The following NPAS3 variants were observed in gnomAD, a reference collection of about 807,000 sequenced individuals.
NPAS3 encodes neuronal PAS domain-containing protein 3.
Under a neutral mutation model 73.1 loss-of-function variants are expected in NPAS3, and 14 were observed. The observed-to-expected ratio is 0.19, with a 90% CI of 0.13 to 0.30. NPAS3 has a LOEUF of 0.30. Ranked by LOEUF, NPAS3 falls within the 10% of genes least tolerant of loss-of-function variation. The pLI is 1.00. For synonymous variants in NPAS3, 620 were observed against 541.5 expected, an observed-to-expected ratio of 1.14 and a Z score of -2.01; for missense variants, 1,096 against 1,250.0, an observed-to-expected ratio of 0.88 and a Z score of 1.86.
chr14:32,987,896 A>C (rs1452007195), intron 1 of NPAS3, among the ~76,000 whole-genome samples: 1 of 152,186 alleles, frequency 6.6e-6, no homozygotes, highest in Non-Finnish European at 1.5e-5. Flanking sequence ...ACTAATTAAA[A>C]TAACAACTAA....
chr14:33,590,631 T>A (rs1216840955), intron 5 of NPAS3, among the ~76,000 whole-genome samples: 1 of 152,216 alleles, frequency 6.6e-6, no homozygotes, highest in African/African-American at 2.4e-5. Flanking sequence ...TAAGTTTATG[T>A]ACATGTAATC....
At chr14:33,482,378 C>T (rs142393825) in intron 4 of NPAS3, among the ~76,000 whole-genome samples, 6 of 152,190 alleles carry the variant, frequency 3.9e-5, no homozygotes, top group East Asian at 1.9e-4. Context: ...ATTAAACCAT[C>T]GTATATACAC....
At chr14:33,455,770 A>G (rs1431654864) in intron 4 of NPAS3, among the ~76,000 whole-genome samples, 1 of 152,252 alleles carries the variant, frequency 6.6e-6, no homozygotes, top group Non-Finnish European at 1.5e-5. Flanking sequence ...ATGATTAAAC[A>G]GGATGTTAAC....
rs74741079 is a variant in NPAS3, at chr14:33,225,088, C to T, written c.385+9662C>T. ...TTTCTAACTGGTCAATATTGAGTCC[C>T]CAAATGCTCAACATTCTAAAGTGCT... On this transcript the variant is annotated intron_variant, in intron 3 of 11. Coordinates refer to ENST00000356141, the Ensembl canonical transcript of NPAS3. 8.3e-4 allele frequency among the ~76,000 whole-genome samples: 126 copies of T among 152,198 alleles called. 2 individuals are homozygous for T. The East Asian group carries it at 0.023, about 27-fold the overall frequency.
chr14:33,587,334 G>A (rs1279783914), intron 5 of NPAS3, among the ~76,000 whole-genome samples: 1 of 152,162 alleles, frequency 6.6e-6, no homozygotes, highest in Non-Finnish European at 1.5e-5. Context: ...GACAGATGTA[G>A]AAATTCCTTA....
At chr14:33,537,488 T>C (rs2054308261) in intron 4 of NPAS3, among the ~76,000 whole-genome samples, 1 of 152,238 alleles carries the variant, frequency 6.6e-6, no homozygotes. Context: ...GGCTAGTTCA[T>C]AGATTAATGG....
intron 3 of NPAS3, among the ~76,000 whole-genome samples, chr14:33,366,470 GACCGACTCTT>G (rs1227574548): frequency 2.0e-5 from 3 of 152,112 alleles, no homozygotes; most frequent in Non-Finnish European, 4.4e-5. Flanking sequence ...CCTGGAAGAG[GACCGACTCTT>G]AGTGAGAAAA....
At chr14:33,742,206 G>A (rs1293386244) in intron 7 of NPAS3, among the ~76,000 whole-genome samples, 1 of 152,126 alleles carries the variant, frequency 6.6e-6, no homozygotes, top group African/African-American at 2.4e-5. Context: ...AACATGCTGA[G>A]ATGCCCTAAC....
intron 4 of NPAS3, among the ~76,000 whole-genome samples, chr14:33,426,783 GA>G (rs2048571932): frequency 6.6e-6 from 1 of 152,048 alleles, no homozygotes; most frequent in South Asian, 2.1e-4. Flanking sequence ...GTATTCTTAA[GA>G]AAATTACAAG....
chr14:33,713,416 G>A (rs1288103490), intron 6 of NPAS3, among the ~76,000 whole-genome samples: 1 of 152,200 alleles, frequency 6.6e-6, no homozygotes, highest in Non-Finnish European at 1.5e-5. Context: ...TTTTGAGGGA[G>A]GAGGGGGTCT....
chr14:33,241,874 T>TG (rs1254208463), intron 3 of NPAS3, among the ~76,000 whole-genome samples: 1 of 152,090 alleles, frequency 6.6e-6, no homozygotes, highest in Non-Finnish European at 1.5e-5. Context: ...TCTTTGATAC[T>TG]GTGCATTTAA....
intron 5 of NPAS3, among the ~76,000 whole-genome samples, chr14:33,578,898 G>A (rs369692436): frequency 5.0e-4 from 76 of 152,098 alleles, no homozygotes; most frequent in African/African-American, 1.7e-3. Flanking sequence ...TAATTAAAGG[G>A]AATTCAAATG....
intron 4 of NPAS3, among the ~76,000 whole-genome samples, chr14:33,530,655 C>T (rs1595095267): frequency 6.6e-6 from 1 of 152,148 alleles, no homozygotes; most frequent in East Asian, 1.9e-4. Context: ...CCTTTTTCAG[C>T]TCTTTCTCCT....
chr14:33,416,894 A>G (rs1254089680), intron 4 of NPAS3, among the ~76,000 whole-genome samples: 1 of 151,902 alleles, frequency 6.6e-6, no homozygotes, highest in East Asian at 1.9e-4. Flanking sequence ...GGTTGTTTTA[A>G]TACAGTTTCC....
At chr14:33,108,973 T>G (rs1433210406) in intron 2 of NPAS3, among the ~76,000 whole-genome samples, 3 of 152,176 alleles carry the variant, frequency 2.0e-5, no homozygotes, top group Non-Finnish European at 4.4e-5. Context: ...ACTTATACTG[T>G]TTTTTATGTG....
chr14:33,314,844 G>A (rs1018208945), intron 3 of NPAS3, among the ~76,000 whole-genome samples: 1 of 152,000 alleles, frequency 6.6e-6, no homozygotes, highest in Non-Finnish European at 1.5e-5. Context: ...AAAGAATAAA[G>A]AGTAATATTT....
intron 3 of NPAS3, among the ~76,000 whole-genome samples, chr14:33,310,466 G>A (rs1236501401): frequency 6.6e-6 from 1 of 152,158 alleles, no homozygotes; most frequent in Non-Finnish European, 1.5e-5. Flanking sequence ...AGACCCTCAC[G>A]TATTGAAGAA....
chr14:33,532,318 C>T (rs1170014230), intron 4 of NPAS3, among the ~76,000 whole-genome samples: 12 of 152,052 alleles, frequency 7.9e-5, no homozygotes, highest in East Asian at 1.9e-4. Flanking sequence ...TGGTCTCTGT[C>T]GAGCTTTTGC....
intron 3 of NPAS3, among the ~76,000 whole-genome samples, chr14:33,272,251 A>G (rs1158433003): frequency 6.6e-6 from 1 of 152,184 alleles, no homozygotes; most frequent in African/African-American, 2.4e-5. Flanking sequence ...CATTTCTTCC[A>G]CAAAGAACAC....
Sources: allele counts gnomAD v4.1 joint callset (sites outside exome capture counted in the v4.1 genomes callset), GRCh38; gene constraint gnomAD v4.1.1; transcripts MANE v1.5; gene names NCBI Gene and HGNC (gene_info 2026-07-23, HGNC 2026-07-21).